IVD: variants seen among roughly 807,000 people sequenced by gnomAD.
The protein encoded by IVD is isovaleryl-CoA dehydrogenase, also known as isovaleryl-CoA dehydrogenase, mitochondrial.
In IVD, 31 loss-of-function variants were observed where a neutral mutation model predicts 51.3. The ratio of observed to expected loss-of-function variants is 0.60; its 90% confidence interval spans 0.45 to 0.81. The LOEUF is 0.81. IVD is among the 40% of genes least tolerant of loss of function. IVD has a pLI of 0.00. For synonymous variants in IVD, 205 were observed against 219.4 expected, an observed-to-expected ratio of 0.93 and a Z score of 0.58; for missense variants, 475 against 552.0, an observed-to-expected ratio of 0.86 and a Z score of 1.40.
At position 40,413,035 on chromosome 15, in the gene IVD, G is replaced by A. The variant is rs1449259635; in HGVS notation, c.732G>A (p.Gly244=). The A allele has an allele frequency of 6.2e-7, 1 of 1,614,144 alleles. No homozygotes were observed. The highest frequency in any genetic ancestry group is 1.7e-5 in the Admixed American group (1 of 60,036). Residue 244 remains glycine (G), a synonymous_variant, in exon 7 of 12, where the codon GGG becomes GGA. Transcript: ENST00000487418. ...CCTCTAAGAAGCTGGACAAGCTGGG[G>A]ATGAGGGGCTCTAACACCTGTGAGC... is the stretch of plus-strand genomic sequence containing the variant. The part of the protein sequence containing the change: ...FSTSKKLDKL[G]MRGSNTCELI...
chr15:40,415,152 C>T (rs1891521013), intron 8 of IVD, 170 bp downstream of exon 8: 2 of 821,834 alleles, frequency 2.4e-6, no homozygotes, highest in Non-Finnish European at 3.8e-6. Flanking sequence ...AATTTCTTCC[C>T]ACAGTGGGGA....
At position 40,418,853 on chromosome 15, in the gene IVD, C is replaced by G; in HGVS notation, c.*590C>G. On this transcript the variant is annotated 3_prime_UTR_variant, in exon 12 of 12. Transcript: ENST00000487418. Reference sequence around the variant, plus strand: ...GAAAAAAATAATAAACCTAGCCTAGCCAGGCGTGGTGGCTCATGCTTGTAA... The same window carrying G: ...GAAAAAAATAATAAACCTAGCCTAGGCAGGCGTGGTGGCTCATGCTTGTAA... The G allele has an allele frequency of 1.2e-6, 1 of 842,832 alleles. No individual in the cohort carries two copies. The highest frequency in any genetic ancestry group is 1.5e-6 in the Non-Finnish European group (1 of 657,806). 52.2% of individuals were successfully genotyped at this position (842,832 alleles called of 1,614,324 possible).
chr15:40,421,175 G>A lies in IVD; in HGVS notation c.*2912G>A, dbSNP rs11557072. 114,199 of 985,416 alleles carry A rather than the reference G, an allele frequency of 0.12. 6,973 individuals carry two copies. The highest frequency in any genetic ancestry group is 0.13 in the Non-Finnish European group (105,210 of 829,908). The allele number at this position is 985,416 out of a possible 1,614,324, so 61.0% of individuals were successfully genotyped here. A position where few individuals can be genotyped will look rare whatever the true frequency, so the allele number is the denominator to read the frequency against. On this transcript the variant is annotated 3_prime_UTR_variant, in exon 12 of 12. Coordinates refer to ENST00000487418, the MANE Select transcript of IVD (RefSeq NM_002225.5). ...GTGTGGCTGGAGAGACCAGCCTGGA[G>A]ACAATGTGGCAAAATGGGGCGCTTC...
chr15:40,413,495 T>C (rs1891308019), intron 7 of IVD, among the ~76,000 whole-genome samples: 1 of 152,144 alleles, frequency 6.6e-6, no homozygotes, highest in Non-Finnish European at 1.5e-5. Flanking sequence ...ACAAAACATC[T>C]GAATCCACTG....
chr15:40,418,059 C>T lies in IVD; in HGVS notation c.1139-71C>T, dbSNP rs551915374. On this transcript the variant is annotated intron_variant, in intron 11 of 11. Transcript: ENST00000487418. ...TCCTCCTGTGGCCTGTTTCTATATA[C>T]TTGGCATTCTGTTTGCTTTCTTTGT... is the stretch of plus-strand genomic sequence containing the variant. The T allele has an allele frequency of 1.2e-4, 188 of 1,603,188 alleles. No individual in the cohort carries two copies. In the South Asian group the frequency reaches 1.9e-3, roughly 16 times the overall value.
downstream of IVD, among the ~76,000 whole-genome samples, chr15:40,428,954 C>T (rs550228367): frequency 3.9e-5 from 6 of 152,264 alleles, no homozygotes; most frequent in South Asian, 1.0e-3. Flanking sequence ...TAATGAGGAC[C>T]CAGCCCGGTC....
chr15:40,412,978 G>C lies in IVD; in HGVS notation c.688-13G>C. 6.2e-7 allele frequency: 1 copy of C among 1,612,142 alleles called. No individual in the cohort carries two copies. Among genetic ancestry groups the C allele is most frequent in the South Asian group, 1.1e-5 (1 of 91,054 alleles). ...TAATCTGTAACCAGGACCACCTTTT[G>C]TTTCCTGTAAAGGGTATGCCTGGCT... On this transcript the variant is annotated splice_polypyrimidine_tract_variant and intron_variant, in intron 6 of 11. Coordinates refer to ENST00000487418, the MANE Select transcript of IVD (RefSeq NM_002225.5).
At chr15:40,434,955 T>C (rs1437134206) in intron 8 of IVD, among the ~76,000 whole-genome samples, 1 of 152,162 alleles carries the variant, frequency 6.6e-6, no homozygotes, top group Admixed American at 6.5e-5. Context: ...GAAGTCAGTG[T>C]TGGGGGCTTG....
chr15:40,414,649 C>A (rs1891450268), intron 7 of IVD: 1 of 517,298 alleles, frequency 1.9e-6, no homozygotes, highest in South Asian at 1.9e-5. Context: ...AGGGAAAGAT[C>A]TAACAACTCT....
rs1056818440 is a variant in IVD, at chr15:40,419,281, C to T, written c.*1018C>T. ...ATCCCAGCACTTTGGGAGGCCAAGG[C>T]AGGTGGATCACTTGCAGTCAGGAGT... On this transcript the variant is annotated 3_prime_UTR_variant, in exon 12 of 12. Transcript: ENST00000487418. 4.0e-6 allele frequency: 5 copies of T among 1,237,124 alleles called. No homozygotes were observed. The highest frequency in any genetic ancestry group is 1.1e-4 in the East Asian group (2 of 17,630). 76.6% of individuals were successfully genotyped at this position (1,237,124 alleles called of 1,614,324 possible).
intron 7 of IVD, among the ~76,000 whole-genome samples, chr15:40,429,485 C>T (rs1892850227): frequency 6.6e-6 from 1 of 152,212 alleles, no homozygotes; most frequent in African/African-American, 2.4e-5. Context: ...TAAGACCCAG[C>T]ATGAGCACTA....
At chr15:40,409,180 C>G (rs936040926) in intron 3 of IVD, among the ~76,000 whole-genome samples, 1 of 152,194 alleles carries the variant, frequency 6.6e-6, no homozygotes, top group Non-Finnish European at 1.5e-5. Flanking sequence ...GTACCCCACT[C>G]CCTGCAGACA....
chr15:40,426,091 C>A (rs866908071), downstream of IVD, among the ~76,000 whole-genome samples: 4 of 152,036 alleles, frequency 2.6e-5, no homozygotes, highest in Non-Finnish European at 5.9e-5. Context: ...AAGTGTGAGC[C>A]ACGGTGCCCA....
At chr15:40,435,844 C>T (rs1041173571), downstream of IVD, 2 of 359,704 alleles carry the variant, frequency 5.6e-6, no homozygotes, top group South Asian at 1.1e-4. Context: ...CTTCTTGGAA[C>T]GTCCCCGCAC....
chr15:40,425,919 C>T (rs1892644988), downstream of IVD, among the ~76,000 whole-genome samples: 1 of 151,798 alleles, frequency 6.6e-6, no homozygotes, highest in African/African-American at 2.4e-5. Flanking sequence ...AAGTGATTCT[C>T]CCACTTCAGT....
downstream of IVD, among the ~76,000 whole-genome samples, chr15:40,423,934 C>T (rs924382998): frequency 2.0e-5 from 3 of 152,198 alleles, no homozygotes; most frequent in African/African-American, 7.2e-5. Flanking sequence ...ACACTTGGTA[C>T]CCAGAGCCTA....
intron 6 of IVD, 40 bp downstream of exon 6, chr15:40,411,731 C>T (rs1595773824): frequency 6.2e-7 from 1 of 1,610,058 alleles, no homozygotes; most frequent in East Asian, 2.2e-5. Flanking sequence ...GCTTCTGCCT[C>T]CTGACAGTGG....
chr15:40,416,390 G>C (rs1566941740), intron 11 of IVD, 28 bp downstream of exon 11: 2 of 1,607,714 alleles, frequency 1.2e-6, no homozygotes, highest in African/African-American at 1.3e-5. Context: ...CCCAGTCCCG[G>C]GGCTCCCTCA....
rs1435180502 is a variant in IVD at position 40,420,586 on chromosome 15, C to T, written c.*2323C>T. The stretch of plus-strand genomic sequence containing the variant: ...GAGGGACAGGAAGGTAAAATCAGCC[C>T]TTAGGAGAGAGGTCTCAGCCTCCCT... On this transcript the variant is annotated 3_prime_UTR_variant, in exon 12 of 12. Transcript: ENST00000487418. 1.0e-6 allele frequency: 1 copy of T among 987,576 alleles called. No individual in the cohort carries two copies. The highest frequency in any genetic ancestry group is 1.1e-4 in the East Asian group (1 of 8,806). 61.2% of individuals were successfully genotyped at this position (987,576 alleles called of 1,614,324 possible).
Sources: gnomAD v4.1 joint callset for allele counts (sites outside exome capture counted in the v4.1 genomes callset) on GRCh38, gnomAD v4.1.1 for gene constraint, MANE v1.5 for transcripts, NCBI Gene and HGNC (gene_info 2026-07-23, HGNC 2026-07-21) for gene names.